Variants in HMGCLL1 observed in about 807,000 individuals in gnomAD.
HMGCLL1 encodes the protein 3-hydroxy-3-methylglutaryl-CoA lyase like 1.
In HMGCLL1, 36 loss-of-function variants were observed where a neutral mutation model predicts 39.1. The ratio of observed to expected loss-of-function variants is 0.92; its 90% CI spans 0.71 to 1.22. The LOEUF (loss-of-function observed/expected upper bound fraction) is 1.22. HMGCLL1 is among the 50% of genes most tolerant of loss of function. The pLI is 0.00. For missense variants in HMGCLL1, 451 were observed against 416.5 expected (o/e 1.08, Z -0.72); for synonymous variants, 149 against 144.0 (o/e 1.03, Z -0.25).
chr6:55,648,853 C>T, the HMGCLL1 span, among the ~76,000 whole-genome samples: 1 of 129,016 alleles, frequency 7.8e-6, no homozygotes, highest in African/African-American at 3.0e-5. Flanking sequence ...GGAATCCTCC[C>T]TAACTCATTT....
intron 1 of HMGCLL1, among the ~76,000 whole-genome samples, chr6:55,568,460 A>G (rs192955587): frequency 5.9e-5 from 9 of 152,258 alleles, no homozygotes; most frequent in African/African-American, 9.6e-5. Flanking sequence ...GATAATCTTG[A>G]TTCCTGAGGA....
At chr6:55,559,135 G>A (rs890823473) in intron 1 of HMGCLL1, among the ~76,000 whole-genome samples, 2 of 152,102 alleles carry the variant, frequency 1.3e-5, no homozygotes, top group Non-Finnish European at 2.9e-5. Context: ...TGGACAGGAG[G>A]AGAGTTATTG....
chr6:55,659,454 CAT>C, the HMGCLL1 span, among the ~76,000 whole-genome samples: 3 of 151,896 alleles, frequency 2.0e-5, no homozygotes, highest in Non-Finnish European at 4.4e-5. Context: ...GAATCAGAAA[CAT>C]GTGTCTTAAA....
chr6:55,547,278 A>G (rs1770031887), intron 1 of HMGCLL1, among the ~76,000 whole-genome samples: 1 of 152,002 alleles, frequency 6.6e-6, no homozygotes, highest in Non-Finnish European at 1.5e-5. Flanking sequence ...GCATATTTTG[A>G]TGGGGATTTC....
the HMGCLL1 span, among the ~76,000 whole-genome samples, chr6:55,615,372 A>G: frequency 6.6e-6 from 1 of 152,128 alleles, no homozygotes; most frequent in Non-Finnish European, 1.5e-5. Flanking sequence ...GTGAATCTCA[A>G]GCTAGCAGTT....
chr6:55,468,734 C>A (rs1216756092), intron 7 of HMGCLL1, among the ~76,000 whole-genome samples: 1 of 151,842 alleles, frequency 6.6e-6, no homozygotes, highest in Admixed American at 6.6e-5. Context: ...AAGACAAAAT[C>A]AAAATTTAAT....
chr6:55,569,654 G>A (rs1771377912), intron 1 of HMGCLL1, among the ~76,000 whole-genome samples: 1 of 152,098 alleles, frequency 6.6e-6, no homozygotes, highest in Non-Finnish European at 1.5e-5. Context: ...GGAGTGCCGG[G>A]TTCATATTGA....
intron 3 of HMGCLL1, among the ~76,000 whole-genome samples, chr6:55,539,990 A>G (rs28625084): frequency 9.0e-3 from 68 of 7,594 alleles, no homozygotes; most frequent in African/African-American, 0.016. Context: ...GGAAGGAAGG[A>G]AGGAAGGGAG....
chr6:55,635,425 T>A, the HMGCLL1 span, among the ~76,000 whole-genome samples: 1 of 151,870 alleles, frequency 6.6e-6, no homozygotes, highest in Admixed American at 6.6e-5. Flanking sequence ...AAGCCAAGAA[T>A]TCTAGATAAA....
At chr6:55,542,745 C>A (rs1019573498) in intron 1 of HMGCLL1, among the ~76,000 whole-genome samples, 1 of 148,692 alleles carries the variant, frequency 6.7e-6, no homozygotes, top group Non-Finnish European at 1.5e-5. Context: ...TGCCATTGCA[C>A]TCCAGCCTTG....
At chr6:55,442,196 G>A (rs1581784488) in intron 7 of HMGCLL1, among the ~76,000 whole-genome samples, 1 of 152,030 alleles carries the variant, frequency 6.6e-6, no homozygotes, top group East Asian at 1.9e-4. Flanking sequence ...CAGTCTTTCT[G>A]TATTGTACGT....
chr6:55,477,282 ATTATATATAAAATAATATATATTAT>A (rs1765423251), intron 7 of HMGCLL1, among the ~76,000 whole-genome samples: 1 of 16,804 alleles, frequency 6.0e-5, no homozygotes, highest in Non-Finnish European at 8.1e-5. Flanking sequence ...TATATTATAT[ATTATATATAAAATAATATATATTAT>A]ATATATAATA....
the HMGCLL1 span, among the ~76,000 whole-genome samples, chr6:55,586,778 G>A: frequency 2.6e-5 from 4 of 151,978 alleles, no homozygotes; most frequent in African/African-American, 9.7e-5. Context: ...TGTGCCACAT[G>A]TTCTTAATCC....
chr6:55,529,565 T>C (rs1408499336), intron 3 of HMGCLL1, among the ~76,000 whole-genome samples: 1 of 152,080 alleles, frequency 6.6e-6, no homozygotes, highest in Admixed American at 6.6e-5. Context: ...TTGGCCATCA[T>C]ATAGATCCGG....
Position 55,435,669 on chromosome 6 carries a change from T to C in HMGCLL1, c.1016A>G (p.Asn339Ser), listed in dbSNP as rs773981172. ...GTCATAAATCCATTCAAGTCAAGCA[T>C]TGAAGGAGGCTTGTGCTACTTTAGA... ...TNSKVAQASF[N>S]A is the part of the protein sequence containing the mutation. Residue 339 changes from asparagine (N) to serine (S), a missense_variant, in exon 9 of 9, where the codon AAT becomes AGT. Transcript: ENST00000274901. 7 of 1,583,182 alleles carry C rather than the reference T, an allele frequency of 4.4e-6. No homozygotes were observed. Among genetic ancestry groups the C allele is most frequent in the South Asian group, 1.1e-5 (1 of 88,712 alleles).
the HMGCLL1 span, among the ~76,000 whole-genome samples, chr6:55,622,143 T>C: frequency 1.8e-4 from 27 of 152,240 alleles, no homozygotes; most frequent in African/African-American, 6.3e-4. Context: ...CTTTACTGAA[T>C]TTGTTTATGA....
intron 7 of HMGCLL1, among the ~76,000 whole-genome samples, chr6:55,492,372 T>G (rs1319904724): frequency 6.6e-6 from 1 of 152,196 alleles, no homozygotes; most frequent in Non-Finnish European, 1.5e-5. Flanking sequence ...GTGTTTTTGT[T>G]GTTGTTGGAA....
At chr6:55,581,740 AAGTG>A (rs1771990526), upstream of HMGCLL1, among the ~76,000 whole-genome samples, 1 of 152,042 alleles carries the variant, frequency 6.6e-6, no homozygotes, top group Non-Finnish European at 1.5e-5. Context: ...AAAAACTACG[AAGTG>A]AGTAAGTGCC....
intron 7 of HMGCLL1, among the ~76,000 whole-genome samples, chr6:55,468,340 A>T (rs531048219): frequency 1.3e-5 from 2 of 152,152 alleles, no homozygotes; most frequent in East Asian, 1.9e-4. Flanking sequence ...TCTAGCATCT[A>T]GTAGAGAACA....
Sources: allele counts gnomAD v4.1 joint callset (sites outside exome capture counted in the v4.1 genomes callset), GRCh38; gene constraint gnomAD v4.1.1; transcripts MANE v1.5; gene names NCBI Gene and HGNC (gene_info 2026-07-23, HGNC 2026-07-21).